DNAJC15: variants seen among roughly 807,000 people sequenced by gnomAD.
DNAJC15 encodes the protein DnaJ heat shock protein family (Hsp40) member C15.
DNAJC15 carries 27 observed loss-of-function variants against 22.4 expected under a neutral mutation model. That is an observed-to-expected ratio of 1.20 (90% confidence interval 0.89 to 1.66). The LOEUF is 1.66. Among genes scored for constraint, DNAJC15 ranks in the 40% most tolerant of loss-of-function variants. The pLI, the probability that DNAJC15 is intolerant of heterozygous loss-of-function variation, is 0.00. For synonymous variants in DNAJC15, 79 were observed against 63.2 expected (o/e 1.25, Z -1.19); for missense variants, 208 against 187.1 (o/e 1.11, Z -0.65).
intron 3 of DNAJC15, among the ~76,000 whole-genome samples, chr13:43,076,644 C>T (rs1331002272): frequency 6.6e-6 from 1 of 152,142 alleles, no homozygotes; most frequent in Non-Finnish European, 1.5e-5. Flanking sequence ...CGTTTAATGC[C>T]TGTAATCATA....
chr13:43,110,625 A>G lies in DNAJC15; in HGVS notation c.*3377A>G, dbSNP rs1479172102. 1 of 152,220 alleles carries G rather than the reference A, an allele frequency of 6.6e-6. No homozygotes were observed. The highest frequency in any genetic ancestry group is 6.5e-5 in the Admixed American group (1 of 15,284). The allele number at this position is 152,220 out of a possible 1,614,324, so 9.4% of individuals were successfully genotyped here. A position where few individuals can be genotyped will look rare whatever the true frequency, so the allele number is the denominator to read the frequency against. ...ACCTAAAGATGCCATCCTAATCCCC[A>G]GATCTCCACAACTATACCTACATAG... is the stretch of plus-strand genomic sequence containing the variant. On this transcript the variant is annotated 3_prime_UTR_variant, in exon 6 of 6. Transcript: ENST00000379221.
intron 5 of DNAJC15, among the ~76,000 whole-genome samples, chr13:43,095,401 AAAG>A (rs2040734820): frequency 6.6e-6 from 1 of 152,186 alleles, no homozygotes; most frequent in East Asian, 1.9e-4. Flanking sequence ...GTTTAGGAGA[AAAG>A]AAATACTGTG....
intron 1 of DNAJC15, among the ~76,000 whole-genome samples, chr13:43,025,962 A>G (rs941300202): frequency 2.0e-5 from 3 of 152,248 alleles, no homozygotes; most frequent in African/African-American, 7.2e-5. Flanking sequence ...ATACTTAGAC[A>G]TTACTACATT....
chr13:43,040,575 G>T (rs573402910), intron 1 of DNAJC15, among the ~76,000 whole-genome samples: 1 of 152,126 alleles, frequency 6.6e-6, no homozygotes, highest in South Asian at 2.1e-4. Flanking sequence ...CACACCTGTG[G>T]GCGTTTCTCG....
intron 3 of DNAJC15, among the ~76,000 whole-genome samples, chr13:43,075,239 ACTT>A (rs2040628059): frequency 6.6e-6 from 1 of 152,184 alleles, no homozygotes; most frequent in Non-Finnish European, 1.5e-5. Context: ...GTTCATATGA[ACTT>A]CTTCCCGACA....
At chr13:43,060,544 C>A (rs2153440645) in intron 1 of DNAJC15, among the ~76,000 whole-genome samples, 1 of 152,214 alleles carries the variant, frequency 6.6e-6, no homozygotes, top group South Asian at 2.1e-4. Context: ...TTTATGTTGT[C>A]ATATACCAGG....
chr13:43,025,772 C>T (rs2040377929), intron 1 of DNAJC15, among the ~76,000 whole-genome samples: 1 of 152,132 alleles, frequency 6.6e-6, no homozygotes, highest in African/African-American at 2.4e-5. Context: ...GGCATGGTAG[C>T]ACAAGTCTGT....
chr13:43,102,937 G>T (rs1301267825), intron 5 of DNAJC15, among the ~76,000 whole-genome samples: 1 of 151,754 alleles, frequency 6.6e-6, no homozygotes, highest in East Asian at 1.9e-4. Context: ...TTTATGGGAA[G>T]GTTTTTAATT....
At chr13:43,051,938 C>G (rs1317786968) in intron 1 of DNAJC15, among the ~76,000 whole-genome samples, 2 of 152,052 alleles carry the variant, frequency 1.3e-5, no homozygotes, top group Non-Finnish European at 2.9e-5. Flanking sequence ...TTCACCATAT[C>G]CATGCCAACA....
chr13:43,054,358 G>A (rs970174683), intron 1 of DNAJC15, among the ~76,000 whole-genome samples: 1 of 152,042 alleles, frequency 6.6e-6, no homozygotes, highest in African/African-American at 2.4e-5. Context: ...TGGTCTATAG[G>A]TGTTCATTTT....
intron 2 of DNAJC15, among the ~76,000 whole-genome samples, chr13:43,068,016 A>G (rs2040591733): frequency 6.6e-6 from 1 of 152,198 alleles, no homozygotes; most frequent in Admixed American, 6.5e-5. Context: ...TGCACAGAAT[A>G]ACAGTATACA....
intron 5 of DNAJC15, among the ~76,000 whole-genome samples, chr13:43,103,534 A>G (rs547803053): frequency 6.6e-6 from 1 of 152,316 alleles, no homozygotes; most frequent in Admixed American, 6.5e-5. Flanking sequence ...TAATCTTTGA[A>G]GTTTGTCGAG....
intron 1 of DNAJC15, among the ~76,000 whole-genome samples, chr13:43,045,435 G>A (rs973181202): frequency 3.9e-5 from 6 of 152,098 alleles, no homozygotes; most frequent in African/African-American, 1.4e-4. Flanking sequence ...CACAATTTCC[G>A]TCCCTTTTAC....
At chr13:43,028,474 A>G (rs2040390336) in intron 1 of DNAJC15, among the ~76,000 whole-genome samples, 1 of 152,062 alleles carries the variant, frequency 6.6e-6, no homozygotes. Context: ...TGCTTCTGGT[A>G]TTGTATCCTT....
chr13:43,079,328 CAATT>C (rs2040650776), intron 4 of DNAJC15, among the ~76,000 whole-genome samples: 1 of 152,080 alleles, frequency 6.6e-6, no homozygotes, highest in South Asian at 2.1e-4. Context: ...ATAATCAACA[CAATT>C]AAGCAAATTA....
intron 1 of DNAJC15, among the ~76,000 whole-genome samples, chr13:43,024,535 G>A (rs1399761802): frequency 6.6e-6 from 1 of 151,470 alleles, no homozygotes; most frequent in Non-Finnish European, 1.5e-5. Context: ...AGTAGAGACG[G>A]GGGTTTCACC....
chr13:43,062,995 A>G (rs976895716), intron 1 of DNAJC15, among the ~76,000 whole-genome samples: 4 of 151,454 alleles, frequency 2.6e-5, no homozygotes, highest in African/African-American at 9.7e-5. Flanking sequence ...CTGGGATTAC[A>G]GGCATGAGCC....
At chr13:43,024,463 C>A (rs1171892036) in intron 1 of DNAJC15, among the ~76,000 whole-genome samples, 6 of 151,034 alleles carry the variant, frequency 4.0e-5, no homozygotes, top group Admixed American at 1.3e-4. Flanking sequence ...CCTGCCTCAG[C>A]CTCCCAAGTA....
chr13:43,084,025 G>A (rs549808967), intron 4 of DNAJC15, among the ~76,000 whole-genome samples: 2 of 152,336 alleles, frequency 1.3e-5, no homozygotes, highest in South Asian at 4.1e-4. Flanking sequence ...CAAGTAACTA[G>A]CAAGGAACTG....
Sources: gnomAD v4.1 joint callset for allele counts (sites outside exome capture counted in the v4.1 genomes callset) on GRCh38, gnomAD v4.1.1 for gene constraint, MANE v1.5 for transcripts, NCBI Gene and HGNC (gene_info 2026-07-23, HGNC 2026-07-21) for gene names.